RHOJ: variants seen among roughly 807,000 people sequenced by gnomAD.
The protein encoded by RHOJ is rho-related GTP-binding protein RhoJ.
RHOJ carries 11 observed loss-of-function variants against 23.4 expected under a neutral mutation model. The observed-to-expected ratio is 0.47, with a 90% CI of 0.30 to 0.78. The LOEUF is 0.78. RHOJ is among the 30% of genes least tolerant of loss of function. RHOJ has a pLI of 0.08. For missense variants in RHOJ, 254 were observed against 273.4 expected (o/e 0.93, Z 0.50); for synonymous variants, 102 against 102.7 (o/e 0.99, Z 0.04).
At chr14:63,211,845 C>T (rs942231299) in intron 1 of RHOJ, among the ~76,000 whole-genome samples, 5 of 152,228 alleles carry the variant, frequency 3.3e-5, no homozygotes, top group African/African-American at 1.2e-4. Flanking sequence ...CAAGGCTAAA[C>T]TGCTTGTAAT....
At chr14:63,281,294 C>T (rs1881892517) in intron 3 of RHOJ, among the ~76,000 whole-genome samples, 159 bp downstream of exon 3, 1 of 151,940 alleles carries the variant, frequency 6.6e-6, no homozygotes, top group Non-Finnish European at 1.5e-5. Flanking sequence ...GATGATTTAG[C>T]CCATAGTGGA....
Position 63,283,154 on chromosome 14 carries a change from C to T in RHOJ, c.436C>T (p.Arg146Cys), listed in dbSNP as rs1335942937. The T allele has an allele frequency of 3.1e-6, 5 of 1,614,026 alleles. No homozygotes were observed. The highest frequency in any genetic ancestry group is 1.1e-5 in the South Asian group (1 of 91,070). Residue 146 changes from arginine (R) to cysteine (C), a missense_variant, in exon 4 of 5, where the codon CGT becomes TGT. By Grantham distance (180) the Arg-to-Cys change is radical (BLOSUM62 -3). Transcript: ENST00000316754. ...DLRDDPKTLA[R>C]LLYMKEKPLT... Reference sequence around the variant, plus strand: ...CCGTGATGACCCAAAAACCTTGGCCCGTTTGCTGTATATGAAAGAGAAACC... The same window carrying T: ...CCGTGATGACCCAAAAACCTTGGCCTGTTTGCTGTATATGAAAGAGAAACC...
At chr14:63,246,167 C>G (rs1894972670) in intron 1 of RHOJ, among the ~76,000 whole-genome samples, 1 of 152,110 alleles carries the variant, frequency 6.6e-6, no homozygotes, top group South Asian at 2.1e-4. Flanking sequence ...CTCACTTTCT[C>G]CCTCCTCTCT....
chr14:63,225,422 T>C (rs138225608), intron 1 of RHOJ, among the ~76,000 whole-genome samples: 2 of 152,258 alleles, frequency 1.3e-5, no homozygotes, highest in East Asian at 3.9e-4. Flanking sequence ...CCATAAACAT[T>C]GAAAATCTTT....
chr14:63,237,947 A>T (rs920473053), intron 1 of RHOJ, among the ~76,000 whole-genome samples: 4 of 152,082 alleles, frequency 2.6e-5, no homozygotes, highest in African/African-American at 7.2e-5. Flanking sequence ...TTGTTCTCCC[A>T]CCCTGCTCTG....
intron 1 of RHOJ, among the ~76,000 whole-genome samples, chr14:63,247,275 G>A (rs1894993047): frequency 6.6e-6 from 1 of 152,164 alleles, no homozygotes; most frequent in South Asian, 2.1e-4. Flanking sequence ...AATGAACTTG[G>A]AAGAACAGCC....
chr14:63,220,737 AC>A (rs1400442840), intron 1 of RHOJ, among the ~76,000 whole-genome samples: 3 of 152,170 alleles, frequency 2.0e-5, no homozygotes, highest in Non-Finnish European at 2.9e-5. Flanking sequence ...CAAGACTCTA[AC>A]TGATGTCTAA....
intron 2 of RHOJ, among the ~76,000 whole-genome samples, chr14:63,271,892 T>C (rs1294054046): frequency 1.3e-5 from 2 of 152,138 alleles, no homozygotes; most frequent in Admixed American, 6.6e-5. Context: ...GCCCAAGAGT[T>C]TGCATTTCTA....
intron 4 of RHOJ, among the ~76,000 whole-genome samples, chr14:63,289,890 T>C (rs1004036553): frequency 1.3e-5 from 2 of 152,244 alleles, no homozygotes; most frequent in Admixed American, 1.3e-4. Flanking sequence ...CATGTTTTAT[T>C]GTTATTGTTA....
intron 1 of RHOJ, among the ~76,000 whole-genome samples, chr14:63,255,855 C>G (rs61996644): frequency 6.8e-6 from 1 of 147,520 alleles, no homozygotes. Flanking sequence ...GCACCTTTAT[C>G]CTTTTTTTTT....
chr14:63,289,364 G>A (rs1297772004), intron 4 of RHOJ, among the ~76,000 whole-genome samples: 3 of 152,202 alleles, frequency 2.0e-5, no homozygotes, highest in South Asian at 2.1e-4. Flanking sequence ...ATTGTCTTGC[G>A]CCAGCCCCAC....
chr14:63,221,231 G>A (rs1894486853), intron 1 of RHOJ, among the ~76,000 whole-genome samples: 1 of 152,180 alleles, frequency 6.6e-6, no homozygotes, highest in African/African-American at 2.4e-5. Context: ...TTAGGAGGCT[G>A]AGGTGGGAGG....
chr14:63,271,264 A>C (rs1001739856), intron 2 of RHOJ, among the ~76,000 whole-genome samples: 1 of 152,242 alleles, frequency 6.6e-6, no homozygotes, highest in Non-Finnish European at 1.5e-5. Flanking sequence ...AATATATCTT[A>C]AAGTTCCTTC....
At chr14:63,256,997 G>A (rs372111654) in intron 1 of RHOJ, among the ~76,000 whole-genome samples, 64 of 151,054 alleles carry the variant, frequency 4.2e-4, no homozygotes, top group African/African-American at 1.3e-3. Flanking sequence ...ACTTGAACCC[G>A]GGAGGTGGAA....
chr14:63,243,314 C>T (rs1208025395), intron 1 of RHOJ, among the ~76,000 whole-genome samples: 2 of 152,172 alleles, frequency 1.3e-5, no homozygotes, highest in South Asian at 2.1e-4. Flanking sequence ...TTTGGAATGG[C>T]ATAAGGATAT....
chr14:63,214,786 G>A (rs1286352366), intron 1 of RHOJ, among the ~76,000 whole-genome samples: 2 of 152,152 alleles, frequency 1.3e-5, no homozygotes, highest in African/African-American at 4.8e-5. Flanking sequence ...GGGCAGCCAT[G>A]GGTAGCCAAG....
intron 3 of RHOJ, among the ~76,000 whole-genome samples, chr14:63,282,286 GCACACACACACA>G (rs36227581): frequency 9.0e-5 from 12 of 133,290 alleles, no homozygotes; most frequent in Middle Eastern, 3.9e-3. Context: ...ACAAACACAT[GCACACACACACA>G]CACACACACA....
chr14:63,225,004 G>A (rs1185489175), intron 1 of RHOJ, among the ~76,000 whole-genome samples: 2 of 147,414 alleles, frequency 1.4e-5, no homozygotes, highest in Non-Finnish European at 3.0e-5. Flanking sequence ...CCAGGCCGGA[G>A]TGCAGTGGCA....
At position 63,263,255 on chromosome 14, in the gene RHOJ, A is replaced by G. The variant is rs914881113; in HGVS notation, c.179-5855A>G. 2.6e-5 allele frequency among the ~76,000 whole-genome samples: 4 copies of G among 152,188 alleles called. No individual in the cohort carries two copies. The East Asian group carries it at 7.7e-4, about 29-fold the overall frequency. ...CTGACTTGAAAGATCCTGCTCTTTG[A>G]ACCTCACTATGTTTACCATTAGCAT... On this transcript the variant is annotated intron_variant, in intron 1 of 4. Transcript: ENST00000316754.
Sources: allele counts gnomAD v4.1 joint callset (sites outside exome capture counted in the v4.1 genomes callset), GRCh38; gene constraint gnomAD v4.1.1; transcripts MANE v1.5; gene names NCBI Gene and HGNC (gene_info 2026-07-23, HGNC 2026-07-21).